FIRRM: variants seen among roughly 807,000 people sequenced by gnomAD.
FIRRM encodes the protein FIGNL1 interacting regulator of recombination and mitosis.
chr1:169,824,459 T>TCTC, the FIRRM span, among the ~76,000 whole-genome samples: 35 of 152,234 alleles, frequency 2.3e-4, 1 homozygote, highest in Non-Finnish European at 3.7e-4. Flanking sequence ...ATCTCTTGAC[T>TCTC]CTACGTCCTC....
chr1:169,852,999 A>AGGCAGAACT, the FIRRM span: 25,269 of 1,613,156 alleles, frequency 0.016, 1,796 homozygotes, highest in East Asian at 0.24. Flanking sequence ...ACTTATCACT[A>AGGCAGAACT]GGCAGAACTG....
chr1:169,818,245 G>A, the FIRRM span, among the ~76,000 whole-genome samples: 13 of 152,180 alleles, frequency 8.5e-5, no homozygotes, highest in Non-Finnish European at 1.5e-4. Context: ...TATGTACTAG[G>A]TATGGAGCCT....
At chr1:169,850,985 T>A in the FIRRM span, 1 of 57,720 alleles carries the variant, frequency 1.7e-5, no homozygotes, top group African/African-American at 7.5e-5. Flanking sequence ...CATGGCTTTT[T>A]TTTTTTTTTT....
the FIRRM span, among the ~76,000 whole-genome samples, chr1:169,785,224 G>C: frequency 1.3e-5 from 2 of 152,208 alleles, no homozygotes; most frequent in Non-Finnish European, 2.9e-5. Flanking sequence ...AGGCAGGAAG[G>C]TGCAGGAGCT....
chr1:169,822,810 C>A, the FIRRM span, among the ~76,000 whole-genome samples: 2 of 152,126 alleles, frequency 1.3e-5, no homozygotes, highest in Non-Finnish European at 2.9e-5. Flanking sequence ...GACAACTTTT[C>A]TATTTTACAG....
At chr1:169,795,029 G>C in the FIRRM span, 1 of 1,184,482 alleles carries the variant, frequency 8.4e-7, no homozygotes, top group South Asian at 1.3e-5. Flanking sequence ...GAGCGCGCAA[G>C]GGTTGGCGGG....
the FIRRM span, among the ~76,000 whole-genome samples, chr1:169,846,450 A>G: frequency 1.3e-5 from 2 of 152,200 alleles, no homozygotes; most frequent in African/African-American, 4.8e-5. Flanking sequence ...CCTAGGTAGC[A>G]TCTTCTTCCA....
chr1:169,849,312 C>G, the FIRRM span, among the ~76,000 whole-genome samples: 4 of 152,182 alleles, frequency 2.6e-5, no homozygotes, highest in Non-Finnish European at 5.9e-5. Flanking sequence ...CTTTCACTAA[C>G]AAGGGAAATA....
At chr1:169,814,965 T>G in the FIRRM span, among the ~76,000 whole-genome samples, 1 of 141,702 alleles carries the variant, frequency 7.1e-6, no homozygotes, top group South Asian at 2.2e-4. Flanking sequence ...AAAAGTTTTG[T>G]TTTTTTTTTT....
chr1:169,789,145 T>C, the FIRRM span, among the ~76,000 whole-genome samples: 1 of 152,290 alleles, frequency 6.6e-6, no homozygotes, highest in South Asian at 2.1e-4. Context: ...AAAATCCTTA[T>C]TATCAACAAT....
the FIRRM span, chr1:169,827,077 C>T: frequency 6.2e-7 from 1 of 1,613,042 alleles, no homozygotes. Flanking sequence ...CTTTATGCTA[C>T]CAGGATTTCT....
At chr1:169,847,494 T>G in the FIRRM span, among the ~76,000 whole-genome samples, 1 of 152,126 alleles carries the variant, frequency 6.6e-6, no homozygotes, top group Admixed American at 6.6e-5. Flanking sequence ...GAATAATGCT[T>G]TAACTGTTAA....
At chr1:169,835,398 A>G in the FIRRM span, among the ~76,000 whole-genome samples, 2 of 152,196 alleles carry the variant, frequency 1.3e-5, no homozygotes, top group Non-Finnish European at 2.9e-5. Context: ...GAAAAGCAAA[A>G]ATACAAGGAG....
chr1:169,808,276 A>G, the FIRRM span, among the ~76,000 whole-genome samples: 1 of 152,148 alleles, frequency 6.6e-6, no homozygotes, highest in Non-Finnish European at 1.5e-5. Context: ...AGCTGCAATC[A>G]ATCTTGCATT....
chr1:169,842,056 G>C, the FIRRM span, among the ~76,000 whole-genome samples: 1 of 151,700 alleles, frequency 6.6e-6, no homozygotes, highest in African/African-American at 2.4e-5. Context: ...TGTGCCTGTA[G>C]TCCCAGCTTC....
chr1:169,827,268 G>T, the FIRRM span: 1 of 1,277,320 alleles, frequency 7.8e-7, no homozygotes, highest in Non-Finnish European at 1.1e-6. Flanking sequence ...ATTTCCCCTA[G>T]CCATTCTTTT....
the FIRRM span, chr1:169,854,021 T>G: frequency 8.7e-6 from 5 of 576,794 alleles, no homozygotes; most frequent in African/African-American, 9.5e-5. Flanking sequence ...ACCAAATCCT[T>G]ATTTTAATCC....
chr1:169,822,220 A>T, the FIRRM span, among the ~76,000 whole-genome samples: 1 of 152,212 alleles, frequency 6.6e-6, no homozygotes, highest in African/African-American at 2.4e-5. Context: ...CCAGTGTAAG[A>T]AGCAGCCAAC....
At chr1:169,852,514 G>A in the FIRRM span, 1 of 456,246 alleles carries the variant, frequency 2.2e-6, no homozygotes, top group South Asian at 2.9e-5. Flanking sequence ...CTTGGACTAT[G>A]CAGCACTTCT....
Sources: allele counts gnomAD v4.1 joint callset (sites outside exome capture counted in the v4.1 genomes callset), GRCh38; gene constraint gnomAD v4.1.1; transcripts MANE v1.5; gene names NCBI Gene and HGNC (gene_info 2026-07-23, HGNC 2026-07-21).